The following GC variants were observed in gnomAD, a reference collection of about 807,000 sequenced individuals.
GC encodes GC vitamin D binding protein.
A neutral mutation model predicts 56.7 loss-of-function variants in GC; 43 were observed. The observed-to-expected ratio is 0.76, with a 90% CI of 0.59 to 0.98. The LOEUF is 0.98. Among genes scored for constraint, GC ranks in the 50% least tolerant of loss-of-function variants. The probability of loss-of-function intolerance (pLI) is 0.00; values close to 1 mark genes in which losing one functional copy is unlikely to be tolerated. For synonymous variants in GC, 216 were observed against 202.7 expected, an observed-to-expected ratio of 1.07 and a Z score of -0.56; for missense variants, 529 against 545.9, an observed-to-expected ratio of 0.97 and a Z score of 0.31.
At chr4:71,754,660 A>G (rs1378561424) in intron 9 of GC, 152 bp from the exon 10 acceptor site, 1 of 662,386 alleles carries the variant, frequency 1.5e-6, no homozygotes, top group Non-Finnish European at 2.7e-6. Context: ...TTTGCAGGCC[A>G]TATGTGGCCT....
At chr4:71,744,458 C>A (rs1460782339) in intron 12 of GC, among the ~76,000 whole-genome samples, 339 of 83,686 alleles carry the variant, frequency 4.1e-3, no homozygotes, top group East Asian at 5.6e-3. Flanking sequence ...GACTCCATCT[C>A]AAAAAAAAAA....
chr4:71,798,843 CT>C (rs1177089860), intron 1 of GC, among the ~76,000 whole-genome samples: 4 of 152,068 alleles, frequency 2.6e-5, no homozygotes, highest in African/African-American at 9.7e-5. Context: ...TGTAGTCTCT[CT>C]TTTTTTATTC....
intron 12 of GC, among the ~76,000 whole-genome samples, chr4:71,745,727 T>C (rs1741342645): frequency 6.6e-6 from 1 of 152,202 alleles, no homozygotes; most frequent in African/African-American, 2.4e-5. Context: ...AAGCAAGTAA[T>C]AATATTTCAA....
At chr4:71,742,398 C>T (rs705117) in intron 12 of GC, among the ~76,000 whole-genome samples, 102,196 of 152,092 alleles carry the variant, frequency 0.67, 39,273 homozygotes, top group Non-Finnish European at 0.85. Flanking sequence ...TCTATTTGCA[C>T]GGTGTAAAAA....
At chr4:71,763,221 T>C (rs895540923) in intron 6 of GC, among the ~76,000 whole-genome samples, 187 bp downstream of exon 6, 32 of 152,314 alleles carry the variant, frequency 2.1e-4, no homozygotes, top group African/African-American at 7.2e-4. Context: ...ATAAACTTTT[T>C]CCTTATTTTT....
intron 3 of GC, among the ~76,000 whole-genome samples, chr4:71,766,851 T>A (rs1453374639): frequency 6.6e-6 from 1 of 152,140 alleles, no homozygotes; most frequent in African/African-American, 2.4e-5. Context: ...GTTGACAAAA[T>A]GTCAAAACAC....
At chr4:71,745,465 T>C (rs558025290) in intron 12 of GC, among the ~76,000 whole-genome samples, 116 of 152,296 alleles carry the variant, frequency 7.6e-4, no homozygotes, top group African/African-American at 2.4e-3. Flanking sequence ...AAAATAAACG[T>C]TGACATTATT....
intron 1 of GC, among the ~76,000 whole-genome samples, chr4:71,791,681 T>C (rs77551778): frequency 2.2e-3 from 329 of 152,160 alleles, no homozygotes; most frequent in Non-Finnish European, 3.8e-3. Flanking sequence ...TTTTTTTTTT[T>C]AATACCTTCA....
At chr4:71,797,046 C>T (rs1743123655) in intron 1 of GC, among the ~76,000 whole-genome samples, 1 of 152,190 alleles carries the variant, frequency 6.6e-6, no homozygotes, top group South Asian at 2.1e-4. Flanking sequence ...CTGCCTGATC[C>T]TTCCTCTGGA....
chr4:71,790,530 C>T (rs535667516), intron 1 of GC, among the ~76,000 whole-genome samples: 87 of 151,732 alleles, frequency 5.7e-4, no homozygotes, highest in Middle Eastern at 3.4e-3. Context: ...ATTATTTTTT[C>T]ATATGTTTGC....
chr4:71,785,524 T>C (rs1742811688), upstream of GC, among the ~76,000 whole-genome samples: 1 of 151,746 alleles, frequency 6.6e-6, no homozygotes, highest in African/African-American at 2.4e-5. Context: ...TGAAAATCCT[T>C]GGGTGTTAGG....
upstream of GC, among the ~76,000 whole-genome samples, chr4:71,785,047 C>T (rs11934186): frequency 6.6e-6 from 1 of 151,814 alleles, no homozygotes; most frequent in East Asian, 1.9e-4. Flanking sequence ...TACACATGCT[C>T]TAAAATCAAA....
At position 71,770,506 on chromosome 4, in the gene GC, CT is replaced by C. The variant is rs1299715591; in HGVS notation, c.59-1107del. On this transcript the variant is annotated intron_variant, in intron 1 of 12. Coordinates refer to ENST00000273951, the MANE Select transcript of GC (RefSeq NM_000583.4). ...AGAACACAGTAAGAGAAAACGGCAG[CT>C]TTACACATCTTGGTAACCAGAGGAG... 6.6e-4 allele frequency among the ~76,000 whole-genome samples: 100 copies of C among 152,278 alleles called. No homozygotes were observed. In the Middle Eastern group the frequency reaches 0.01, roughly 16 times the overall value.
chr4:71,782,573 T>G (rs1742717156), intron 1 of GC, among the ~76,000 whole-genome samples: 1 of 151,812 alleles, frequency 6.6e-6, no homozygotes. Context: ...AATGTTGAAA[T>G]ATAGATTGCA....
At chr4:71,784,616 A>G (rs1742788360), upstream of GC, among the ~76,000 whole-genome samples, 1 of 151,804 alleles carries the variant, frequency 6.6e-6, no homozygotes, top group South Asian at 2.1e-4. Context: ...AAGTAATCTT[A>G]TTTTAGATGA....
At chr4:71,742,234 C>T (rs1298789431) in intron 12 of GC, among the ~76,000 whole-genome samples, 2 of 152,032 alleles carry the variant, frequency 1.3e-5, no homozygotes, top group Non-Finnish European at 2.9e-5. Flanking sequence ...AATGAGGCCC[C>T]CAATCATCAT....
intron 1 of GC, among the ~76,000 whole-genome samples, chr4:71,783,023 G>A (rs1382084565): frequency 6.6e-6 from 1 of 151,758 alleles, no homozygotes; most frequent in Non-Finnish European, 1.5e-5. Context: ...AATGTAAGAA[G>A]AAGAATAAAA....
chr4:71,761,681 G>C (rs1029262480), intron 6 of GC, among the ~76,000 whole-genome samples: 1 of 152,160 alleles, frequency 6.6e-6, no homozygotes, highest in African/African-American at 2.4e-5. Context: ...GTGCAGTCTA[G>C]GTATTTGGTG....
At chr4:71,761,075 G>A (rs1034746971) in intron 6 of GC, among the ~76,000 whole-genome samples, 1 of 152,162 alleles carries the variant, frequency 6.6e-6, no homozygotes, top group Non-Finnish European at 1.5e-5. Flanking sequence ...GGAACAGTTT[G>A]GAGGGCTCAG....
Sources: allele counts gnomAD v4.1 joint callset (sites outside exome capture counted in the v4.1 genomes callset), GRCh38; gene constraint gnomAD v4.1.1; transcripts MANE v1.5; gene names NCBI Gene and HGNC (gene_info 2026-07-23, HGNC 2026-07-21).